The following DGCR2 variants were observed in gnomAD, a reference collection of about 807,000 sequenced individuals.
DGCR2 encodes integral membrane protein DGCR2/IDD.
In DGCR2, 24 loss-of-function variants were observed where a neutral mutation model predicts 51.6. The observed-to-expected ratio is 0.47, with a 90% CI of 0.34 to 0.65. The LOEUF (loss-of-function observed/expected upper bound fraction) is 0.65, where lower values mean the gene tolerates loss of function less well. DGCR2 is among the 30% of genes least tolerant of loss of function. The pLI, the probability that DGCR2 is intolerant of heterozygous loss-of-function variation, is 0.01. For missense variants in DGCR2, 765 were observed against 772.1 expected (o/e 0.99, Z 0.11); for synonymous variants, 340 against 315.4 (o/e 1.08, Z -0.82).
At chr22:19,039,343 G>A (rs2082406579) in intron 9 of DGCR2, among the ~76,000 whole-genome samples, 1 of 152,172 alleles carries the variant, frequency 6.6e-6, no homozygotes, top group Non-Finnish European at 1.5e-5. Flanking sequence ...CTGGGAACCT[G>A]GTATATGCAA....
intron 2 of DGCR2, among the ~76,000 whole-genome samples, chr22:19,068,474 C>A (rs1601226964): frequency 6.6e-6 from 1 of 152,178 alleles, no homozygotes; most frequent in East Asian, 1.9e-4. Context: ...GAAATGGAGG[C>A]CCTCTTCATT....
At chr22:19,107,217 C>T (rs2083268972) in intron 1 of DGCR2, among the ~76,000 whole-genome samples, 1 of 152,172 alleles carries the variant, frequency 6.6e-6, no homozygotes, top group Non-Finnish European at 1.5e-5. Context: ...AGTCACTCCT[C>T]CCCTGGACCC....
intron 2 of DGCR2, among the ~76,000 whole-genome samples, 157 bp from the exon 3 acceptor site, chr22:19,068,382 C>T (rs988463577): frequency 6.6e-6 from 1 of 152,158 alleles, no homozygotes; most frequent in Non-Finnish European, 1.5e-5. Context: ...CTATGAAACA[C>T]TGCCGCTCGC....
chr22:19,109,425 A>G (rs1301622933), intron 1 of DGCR2, among the ~76,000 whole-genome samples: 1 of 152,238 alleles, frequency 6.6e-6, no homozygotes, highest in Non-Finnish European at 1.5e-5. Context: ...AACAAAATGC[A>G]GTATATGCAT....
intron 3 of DGCR2, among the ~76,000 whole-genome samples, chr22:19,066,250 A>C (rs2082747269): frequency 6.6e-6 from 1 of 151,986 alleles, no homozygotes; most frequent in African/African-American, 2.4e-5. Context: ...AAATACAAAG[A>C]ATTAGCCAGG....
chr22:19,082,082 C>G (rs1455723152), intron 2 of DGCR2, among the ~76,000 whole-genome samples: 2 of 139,242 alleles, frequency 1.4e-5, no homozygotes, highest in African/African-American at 2.6e-5. Flanking sequence ...TTTTTTGAAA[C>G]AGGGTCTCAC....
intron 6 of DGCR2, among the ~76,000 whole-genome samples, chr22:19,049,097 C>A (rs1182395081): frequency 6.6e-6 from 1 of 152,334 alleles, no homozygotes; most frequent in East Asian, 1.9e-4. Context: ...GGATGGAGCA[C>A]AATGCCAGAC....
intron 1 of DGCR2, among the ~76,000 whole-genome samples, chr22:19,115,882 G>A (rs1331478897): frequency 2.6e-5 from 4 of 152,178 alleles, no homozygotes. Flanking sequence ...TAAGCCCTGT[G>A]CACAAACCAC....
intron 1 of DGCR2, among the ~76,000 whole-genome samples, chr22:19,105,681 G>A (rs953817239): frequency 7.3e-6 from 1 of 136,690 alleles, no homozygotes; most frequent in Non-Finnish European, 1.6e-5. Context: ...CGATGGAGGA[G>A]TGCATCATCA....
chr22:19,086,686 C>G (rs2083020266), intron 2 of DGCR2, among the ~76,000 whole-genome samples: 1 of 152,182 alleles, frequency 6.6e-6, no homozygotes, highest in Non-Finnish European at 1.5e-5. Context: ...CTTCACTGCT[C>G]AGCCCTGGTG....
rs367608196 is a variant in DGCR2 at position 19,039,044 on chromosome 22, G to A, written c.1474C>T (p.Arg492Cys). The A allele has an allele frequency of 7.7e-5, 124 of 1,613,112 alleles. No individual in the cohort carries two copies. The highest frequency in any genetic ancestry group is 1.9e-4 in the African/African-American group (14 of 75,072). Residue 492 changes from arginine (R) to cysteine (C), a missense_variant, in exon 10 of 10, where the codon CGC (arginine) becomes TGC (cysteine). Around this residue, in one of 3 missense-constraint regions of DGCR2, gnomAD observed 205 missense variants for 181.4 expected, o/e 1.13. Transcript: ENST00000263196. The part of the protein sequence containing the change: ...DGGSEGALLR[R>C]LEQPLPTAGA... ...GCAGTGGGCAGAGGCTGCTCCAGGC[G>A]CCGGAGTAATGCACCTTCACTCCCA...
intron 2 of DGCR2, among the ~76,000 whole-genome samples, chr22:19,071,716 T>C (rs907894686): frequency 2.6e-5 from 4 of 152,218 alleles, no homozygotes; most frequent in Non-Finnish European, 5.9e-5. Flanking sequence ...GAAAGAAACC[T>C]GTAAAGGATG....
At chr22:19,118,119 G>A (rs765541776) in intron 1 of DGCR2, among the ~76,000 whole-genome samples, 19 of 152,154 alleles carry the variant, frequency 1.2e-4, no homozygotes, top group South Asian at 2.1e-4. Flanking sequence ...CTGCAATCCC[G>A]TAACTTTGGG....
At chr22:19,064,114 C>T (rs1212038794) in intron 4 of DGCR2, among the ~76,000 whole-genome samples, 1 of 152,236 alleles carries the variant, frequency 6.6e-6, no homozygotes, top group Non-Finnish European at 1.5e-5. Flanking sequence ...CTTGGCCCAG[C>T]TTTCCAGCCC....
intron 3 of DGCR2, among the ~76,000 whole-genome samples, chr22:19,067,026 C>T (rs2082757425): frequency 6.6e-6 from 1 of 152,242 alleles, no homozygotes; most frequent in Admixed American, 6.5e-5. Flanking sequence ...CATGTCCAGC[C>T]CTGCTTCAGC....
At position 19,122,289 on chromosome 22, in the gene DGCR2, G is replaced by A; in HGVS notation, c.-83C>T. The A allele has an allele frequency of 2.5e-6, 3 of 1,216,848 alleles. No individual in the cohort carries two copies. The highest frequency in any genetic ancestry group is 3.3e-6 in the Non-Finnish European group (3 of 903,136). 75.4% of individuals were successfully genotyped at this position (1,216,848 alleles called of 1,614,324 possible). A position where few individuals can be genotyped will look rare whatever the true frequency, so the allele number is the denominator to read the frequency against. The stretch of plus-strand genomic sequence containing the variant: ...GGTCAGGGGACCGTGCCAAGCGGAG[G>A]GTCAGGCGGAGCTGAACCTGGGCGA... On this transcript the variant is annotated 5_prime_UTR_variant, in exon 1 of 10. Coordinates refer to ENST00000263196, the MANE Select transcript of DGCR2 (RefSeq NM_005137.3).
In DGCR2 at chr22:19,065,785, G is replaced by T. The variant is rs550202023; in HGVS notation, c.329-718C>A. 313 of 152,386 alleles carry T rather than the reference G, an allele frequency of 2.1e-3. 2 individuals are homozygous for T. The highest frequency in any genetic ancestry group is 2.9e-3 in the Non-Finnish European group (200 of 68,090). 9.4% of individuals were successfully genotyped at this position (152,386 alleles called of 1,614,324 possible). ...GGTAACACCAGTGACCTCTTTTATA[G>T]AATCTTTAACCTTCAAATGTTGGGT... On this transcript the variant is annotated intron_variant, in intron 3 of 9. Transcript: ENST00000263196.
At chr22:19,112,997 G>C (rs2083332981) in intron 1 of DGCR2, among the ~76,000 whole-genome samples, 1 of 143,910 alleles carries the variant, frequency 6.9e-6, no homozygotes, top group Admixed American at 6.9e-5. Flanking sequence ...TGGGAGCCAG[G>C]GTTCTCACTG....
rs185802144 is a variant in DGCR2, at chr22:19,037,309, G to A, written c.*1556C>T. On this transcript the variant is annotated 3_prime_UTR_variant, in exon 10 of 10. Coordinates refer to ENST00000263196, the MANE Select transcript of DGCR2 (RefSeq NM_005137.3). Reference sequence around the variant, plus strand: ...TGGCACAAAGGTCAAGTCTGTCTGTGGGCAACTCAAGATTCTCATTCCACA... The same window carrying A: ...TGGCACAAAGGTCAAGTCTGTCTGTAGGCAACTCAAGATTCTCATTCCACA... 2 of 152,384 alleles carry A rather than the reference G, an allele frequency of 1.3e-5. No individual in the cohort carries two copies. The highest frequency in any genetic ancestry group is 3.9e-4 in the East Asian group (2 of 5,190). The allele number at this position is 152,384 out of a possible 1,614,324, so 9.4% of individuals were successfully genotyped here. A position where few individuals can be genotyped will look rare whatever the true frequency, so the allele number is the denominator to read the frequency against.
Sources: allele counts gnomAD v4.1 joint callset (sites outside exome capture counted in the v4.1 genomes callset), GRCh38; gene constraint gnomAD v4.1.1; regional missense constraint gnomAD v4.1.1; transcripts MANE v1.5; gene names NCBI Gene and HGNC (gene_info 2026-07-23, HGNC 2026-07-21).